The following ANKFN1 variants were observed in gnomAD, a reference collection of about 807,000 sequenced individuals.
The protein encoded by ANKFN1 is ankyrin repeat and fibronectin type-III domain-containing protein 1.
A neutral mutation model predicts 108.7 loss-of-function variants in ANKFN1; 74 were observed. The observed-to-expected ratio is 0.68, with a 90% confidence interval of 0.56 to 0.83. The LOEUF is 0.83. Among genes scored for constraint, ANKFN1 ranks in the 40% least tolerant of loss-of-function variants. The pLI is 0.00. For synonymous variants in ANKFN1, 547 were observed against 516.2 expected, an observed-to-expected ratio of 1.06 and a Z score of -0.81; for missense variants, 1,505 against 1,382.3, an observed-to-expected ratio of 1.09 and a Z score of -1.41.
chr17:56,406,786 T>C (rs2047935243), intron 8 of ANKFN1, among the ~76,000 whole-genome samples: 1 of 152,134 alleles, frequency 6.6e-6, no homozygotes, highest in Non-Finnish European at 1.5e-5. Flanking sequence ...AGGTTCTGAG[T>C]GGGAAAATGC....
intron 18 of ANKFN1, among the ~76,000 whole-genome samples, chr17:56,491,463 C>G (rs756787149): frequency 2.8e-4 from 42 of 152,312 alleles, no homozygotes; most frequent in Non-Finnish European, 5.3e-4. Context: ...AGGCTCAATC[C>G]TACACTGCTC....
rs529673879 is a variant in ANKFN1, at chr17:56,422,549, C to T, written c.911-17778C>T. The stretch of plus-strand genomic sequence containing the variant: ...AACTACTTCTCTGAATATGCTGCTA[C>T]AATTTTTAGATAAATATTCAGTATC... On this transcript the variant is annotated intron_variant, in intron 8 of 20. Transcript: ENST00000682825. 6.6e-5 allele frequency among the ~76,000 whole-genome samples: 10 copies of T among 152,194 alleles called. No individual in the cohort carries two copies. In the East Asian group the frequency reaches 1.7e-3, roughly 26 times the overall value.
chr17:56,144,184 A>ACC (rs1405007617), intron 4 of ANKFN1, among the ~76,000 whole-genome samples: 1 of 78,296 alleles, frequency 1.3e-5, no homozygotes, highest in African/African-American at 5.4e-5. Context: ...AAAAAAAAAA[A>ACC]ACAGCCCAAA....
At chr17:56,338,218 C>T (rs557469168) in intron 4 of ANKFN1, among the ~76,000 whole-genome samples, 12 of 152,112 alleles carry the variant, frequency 7.9e-5, no homozygotes, top group African/African-American at 2.4e-4. Context: ...AACCAAACAG[C>T]GCATGTTCTC....
chr17:56,465,500 C>T (rs975996405), intron 14 of ANKFN1, among the ~76,000 whole-genome samples: 1 of 152,148 alleles, frequency 6.6e-6, no homozygotes, highest in African/African-American at 2.4e-5. Context: ...GGCATCTCAC[C>T]ACCTCTTATG....
At chr17:56,401,363 ATTGTATTGTGTTGTG>A (rs1284824033) in intron 8 of ANKFN1, among the ~76,000 whole-genome samples, 41 of 95,380 alleles carry the variant, frequency 4.3e-4, no homozygotes, top group Middle Eastern at 4.5e-3. Context: ...ATTGTATTGT[ATTGTATTGTGTTGTG>A]TTGTGTTGTG....
chr17:56,243,824 C>A (rs557853021), intron 3 of ANKFN1, among the ~76,000 whole-genome samples: 1 of 152,090 alleles, frequency 6.6e-6, no homozygotes, highest in Non-Finnish European at 1.5e-5. Context: ...GTTTAATCTC[C>A]AAATGAACTA....
chr17:56,253,818 A>C (rs1315299196), intron 3 of ANKFN1, among the ~76,000 whole-genome samples: 3 of 152,206 alleles, frequency 2.0e-5, no homozygotes, highest in African/African-American at 7.2e-5. Flanking sequence ...ATTCAGGGCT[A>C]TCCGGGATAA....
chr17:56,438,191 A>G (rs2048986934), intron 8 of ANKFN1, among the ~76,000 whole-genome samples: 2 of 152,180 alleles, frequency 1.3e-5, no homozygotes, highest in African/African-American at 4.8e-5. Flanking sequence ...TTTTACAGAA[A>G]TAAGGGACTT....
chr17:56,126,684 G>A (rs34519993), intron 4 of ANKFN1, among the ~76,000 whole-genome samples: 1,855 of 152,282 alleles, frequency 0.012, 34 homozygotes, highest in Non-Finnish European at 0.013. Context: ...AATTCTCCCA[G>A]ATGATTTGTA....
At chr17:56,133,161 C>T (rs1907384054) in intron 4 of ANKFN1, among the ~76,000 whole-genome samples, 1 of 152,156 alleles carries the variant, frequency 6.6e-6, no homozygotes, top group African/African-American at 2.4e-5. Flanking sequence ...ATGATATCGA[C>T]TCATTTCTGT....
intron 1 of ANKFN1, among the ~76,000 whole-genome samples, chr17:56,157,580 A>G (rs1024002513): frequency 6.6e-6 from 1 of 152,204 alleles, no homozygotes; most frequent in African/African-American, 2.4e-5. Flanking sequence ...GCGTCTTACC[A>G]GGGACTATTT....
intron 3 of ANKFN1, among the ~76,000 whole-genome samples, chr17:56,299,367 T>G (rs1302223046): frequency 1.3e-5 from 2 of 152,296 alleles, no homozygotes; most frequent in Admixed American, 1.3e-4. Context: ...CAGGAAGGAC[T>G]CTGACCCCTC....
At chr17:56,453,214 C>A (rs1397271166) in intron 11 of ANKFN1, among the ~76,000 whole-genome samples, 2 of 151,686 alleles carry the variant, frequency 1.3e-5, no homozygotes, top group African/African-American at 2.4e-5. Flanking sequence ...TTTTACCCCA[C>A]CCCTCCCTTA....
chr17:56,271,076 C>G (rs1378991604), intron 3 of ANKFN1, among the ~76,000 whole-genome samples: 3 of 152,052 alleles, frequency 2.0e-5, no homozygotes, highest in African/African-American at 7.2e-5. Context: ...GTGGCATGAT[C>G]TCATCTCACT....
At chr17:56,110,491 G>C (rs1905900932) in intron 4 of ANKFN1, among the ~76,000 whole-genome samples, 1 of 152,036 alleles carries the variant, frequency 6.6e-6, no homozygotes, top group African/African-American at 2.4e-5. Flanking sequence ...TCCCTTACTG[G>C]TTTCCAAATC....
intron 4 of ANKFN1, among the ~76,000 whole-genome samples, chr17:56,130,700 G>A (rs949144818): frequency 2.0e-5 from 3 of 152,110 alleles, no homozygotes; most frequent in Non-Finnish European, 2.9e-5. Context: ...TTGATTAGAT[G>A]GGGGGAGGAC....
Position 56,420,226 on chromosome 17 carries a change from C to G in ANKFN1, c.911-20101C>G, listed in dbSNP as rs369961696. Among the ~76,000 whole-genome samples, 326 of 152,268 alleles carry G rather than the reference C, an allele frequency of 2.1e-3. 13 individuals carry two copies. The South Asian group carries it at 0.065, about 30-fold the overall frequency. On this transcript the variant is annotated intron_variant, in intron 8 of 20. Coordinates refer to ENST00000682825, the MANE Select transcript of ANKFN1 (RefSeq NM_001370326.1). ...ATGAATACATATAATTTAAGGAGCA[C>G]TAGAGAACCTGCTGACTTAGAGGAA...
In ANKFN1 at chr17:56,325,123, A is replaced by G. The variant is rs1196035676; in HGVS notation, c.54-1098A>G. Reference sequence around the variant, plus strand: ...TTTGAGAGTTTATTTGGCTCCAGGTATAAATAACAGACTAGTCAGTGCCTA... The same window carrying G: ...TTTGAGAGTTTATTTGGCTCCAGGTGTAAATAACAGACTAGTCAGTGCCTA... On this transcript the variant is annotated intron_variant, in intron 3 of 20. Transcript: ENST00000682825. 2.6e-5 allele frequency among the ~76,000 whole-genome samples: 4 copies of G among 152,356 alleles called. No individual in the cohort carries two copies. In the East Asian group the frequency reaches 7.7e-4, roughly 29 times the overall value.
Sources: allele counts gnomAD v4.1 joint callset (sites outside exome capture counted in the v4.1 genomes callset), GRCh38; gene constraint gnomAD v4.1.1; transcripts MANE v1.5; gene names NCBI Gene and HGNC (gene_info 2026-07-23, HGNC 2026-07-21).